Variants in RNF157 observed in about 807,000 individuals in gnomAD.
RNF157 encodes ring finger protein 157.
In RNF157, 55 loss-of-function variants were observed where a neutral mutation model predicts 88.3. The ratio of observed to expected loss-of-function variants is 0.62; its 90% CI spans 0.50 to 0.78. RNF157 has a LOEUF of 0.78. Ranked by LOEUF, RNF157 falls within the 30% of genes least tolerant of loss-of-function variation. The pLI, the probability that RNF157 is intolerant of heterozygous loss-of-function variation, is 0.00. For missense variants in RNF157, 788 were observed against 860.8 expected, an observed-to-expected ratio of 0.92 and a Z score of 1.06; for synonymous variants, 334 against 341.2, an observed-to-expected ratio of 0.98 and a Z score of 0.23.
intron 2 of RNF157, among the ~76,000 whole-genome samples, chr17:76,210,824 A>G (rs890178771): frequency 6.6e-6 from 1 of 151,570 alleles, no homozygotes; most frequent in Non-Finnish European, 1.5e-5. Flanking sequence ...CTTTTTTTTG[A>G]AACAGAGTCT....
chr17:76,224,301 A>G (rs943125897), intron 1 of RNF157, among the ~76,000 whole-genome samples: 6 of 152,220 alleles, frequency 3.9e-5, no homozygotes, highest in African/African-American at 1.4e-4. Context: ...TCCCTAAATT[A>G]TGTCTGCCTC....
chr17:76,224,461 A>T lies in RNF157; in HGVS notation c.89-11979T>A, dbSNP rs141366814. ...AGTAAATTTTCATATATTTGAAAAA[A>T]TCTTCATCTACATGACATTTCAATA... On this transcript the variant is annotated intron_variant, in intron 1 of 18. Transcript: ENST00000269391. Among the ~76,000 whole-genome samples, 528 of 152,288 alleles carry T rather than the reference A, an allele frequency of 3.5e-3. 5 individuals carry two copies. Among genetic ancestry groups the T allele is most frequent in the African/African-American group, 0.012 (505 of 41,584 alleles).
chr17:76,219,549 G>A (rs2069946139), intron 1 of RNF157, among the ~76,000 whole-genome samples: 2 of 151,958 alleles, frequency 1.3e-5, no homozygotes, highest in Non-Finnish European at 2.9e-5. Context: ...GAAGTAGAAG[G>A]GACCAGACAG....
chr17:76,202,136 A>T lies in RNF157; in HGVS notation c.207+10228T>A, dbSNP rs963565922. Among the ~76,000 whole-genome samples the T allele has an allele frequency of 5.4e-3, 754 of 139,400 alleles. 5 individuals carry two copies. The highest frequency in any genetic ancestry group is 0.011 in the African/African-American group (349 of 32,590). The allele number at this position is 139,400 out of a possible 152,430, so 91.5% of individuals were successfully genotyped here. Reference sequence around the variant, plus strand: ...TTCTCTCTCTCTCTCTCTCACACACACACACACACACACACACACACACAC... The same window carrying T: ...TTCTCTCTCTCTCTCTCTCACACACTCACACACACACACACACACACACAC... On this transcript the variant is annotated intron_variant, in intron 2 of 18. Coordinates refer to ENST00000269391, the MANE Select transcript of RNF157 (RefSeq NM_052916.3).
chr17:76,230,887 AG>A (rs907166240), intron 1 of RNF157, among the ~76,000 whole-genome samples: 2 of 112,532 alleles, frequency 1.8e-5, no homozygotes, highest in African/African-American at 9.3e-5. Context: ...AGAAAGAGAA[AG>A]AGAGAAAGAG....
At chr17:76,151,869 G>GAGCC (rs1429829109) in intron 18 of RNF157, among the ~76,000 whole-genome samples, 9 of 152,192 alleles carry the variant, frequency 5.9e-5, no homozygotes, top group Non-Finnish European at 1.3e-4. Flanking sequence ...CTGGATCACA[G>GAGCC]AGCCATTCCC....
chr17:76,193,751 C>A lies in RNF157; in HGVS notation c.207+18613G>T, dbSNP rs564888712. On this transcript the variant is annotated intron_variant, in intron 2 of 18. Coordinates refer to ENST00000269391, the MANE Select transcript of RNF157 (RefSeq NM_052916.3). ...TGATCCGAAACAATCAGGAGCTGAG[C>A]GAGAAAACAAAACAGAGGTCTGAGG... Among the ~76,000 whole-genome samples, 5 of 152,286 alleles carry A rather than the reference C, an allele frequency of 3.3e-5. No individual in the cohort carries two copies. In the South Asian group the frequency reaches 1.0e-3, roughly 32 times the overall value.
intron 1 of RNF157, among the ~76,000 whole-genome samples, chr17:76,239,649 T>G (rs2070342694): frequency 6.7e-6 from 1 of 149,248 alleles, no homozygotes; most frequent in African/African-American, 2.5e-5. Context: ...AGGAGAAACC[T>G]AATTCTAACC....
chr17:76,224,435 T>C (rs1274682504), intron 1 of RNF157, among the ~76,000 whole-genome samples: 1 of 152,198 alleles, frequency 6.6e-6, no homozygotes, highest in African/African-American at 2.4e-5. Context: ...ATGGGAATCC[T>C]AGTAAATTTT....
chr17:76,155,598 G>A lies in RNF157; in HGVS notation c.1662C>T (p.Pro554=), dbSNP rs903663905. The change falls in exon 15 of 19, where the codon CCC becomes CCT. Residue 554 remains proline (P), a synonymous_variant. Coordinates refer to ENST00000269391, the MANE Select transcript of RNF157 (RefSeq NM_052916.3). Reference sequence around the variant, plus strand: ...CTGAGGGGGCCCTGCTGGCAGGCTGGGGGGAAGAGAGAGCCTCTCCCTCCT... The same window carrying A: ...CTGAGGGGGCCCTGCTGGCAGGCTGAGGGGAAGAGAGAGCCTCTCCCTCCT... ...TEEEGEALSS[P]QPASRAPSEE... The A allele has an allele frequency of 1.1e-5, 17 of 1,613,014 alleles. No individual in the cohort carries two copies. Among genetic ancestry groups the A allele is most frequent in the Middle Eastern group, 3.3e-4 (2 of 6,058 alleles).
chr17:76,170,239 T>C (rs942530746), intron 3 of RNF157, among the ~76,000 whole-genome samples: 1 of 151,858 alleles, frequency 6.6e-6, no homozygotes, highest in Non-Finnish European at 1.5e-5. Context: ...TCACCTGCTG[T>C]TTTGTTTTGA....
At chr17:76,166,168 T>C (rs2068921131) in intron 6 of RNF157, among the ~76,000 whole-genome samples, 1 of 152,064 alleles carries the variant, frequency 6.6e-6, no homozygotes, top group Non-Finnish European at 1.5e-5. Flanking sequence ...AGAGACAGGG[T>C]TTCCCCATGT....
In RNF157 at chr17:76,150,943, A is replaced by G. The variant is rs182309058; in HGVS notation, c.1921+1412T>C. 1.2e-3 allele frequency among the ~76,000 whole-genome samples: 178 copies of G among 152,350 alleles called. 2 individuals are homozygous for G. The highest frequency in any genetic ancestry group is 1.5e-4 in the Non-Finnish European group (10 of 68,038). ...TTCATACCAAGTCTAGAGAACATAC[A>G]TGAGTTTAGAAAATAAACAAACCAG... is the stretch of plus-strand genomic sequence containing the variant. On this transcript the variant is annotated intron_variant, in intron 18 of 18. Transcript: ENST00000269391.
rs2070354438 is a variant in RNF157 at position 76,240,135 on chromosome 17, G to T, written c.88+18C>A. ...GCCCCTCTCCCTCCTCGCGGCTGCG[G>T]CGCCCGCCCGCCCTCACCGGACTTG... On this transcript the variant is annotated intron_variant, in intron 1 of 18. Coordinates refer to ENST00000269391, the MANE Select transcript of RNF157 (RefSeq NM_052916.3). The surrounding 1 kb of genome is among the most constrained non-coding windows in gnomAD (Gnocchi z 4.4). 7.7e-7 allele frequency: 1 copy of T among 1,304,288 alleles called. No individual in the cohort carries two copies. The allele number at this position is 1,304,288 out of a possible 1,614,324, so 80.8% of individuals were successfully genotyped here.
chr17:76,209,403 C>T (rs571343445), intron 2 of RNF157, among the ~76,000 whole-genome samples: 33 of 152,298 alleles, frequency 2.2e-4, no homozygotes, highest in Admixed American at 1.6e-3. Flanking sequence ...GTCCAACCTG[C>T]GGCCCAGGGG....
At chr17:76,185,111 C>T (rs893848499) in intron 2 of RNF157, among the ~76,000 whole-genome samples, 2 of 152,184 alleles carry the variant, frequency 1.3e-5, no homozygotes, top group African/African-American at 2.4e-5. Flanking sequence ...TAGGTCTTGA[C>T]TCATTGTTTG....
chr17:76,146,214 A>T lies in RNF157; in HGVS notation c.1922-861T>A. Reference sequence around the variant, plus strand: ...CTAACCTGGGCTCCACTCCCAGTTTACAGCAGTGTGACCTTGGGCACATCA... The same window carrying T: ...CTAACCTGGGCTCCACTCCCAGTTTTCAGCAGTGTGACCTTGGGCACATCA... On this transcript the variant is annotated intron_variant, in intron 18 of 18. Transcript: ENST00000269391. This position sits in a 1 kb window ranked among gnomAD's most constrained non-coding sequence, Gnocchi z 4.2. 2.9e-6 allele frequency: 1 copy of T among 349,178 alleles called. No homozygotes were observed. The highest frequency in any genetic ancestry group is 4.0e-6 in the Non-Finnish European group (1 of 248,420). The allele number at this position is 349,178 out of a possible 1,614,324, so 21.6% of individuals were successfully genotyped here.
intron 9 of RNF157, 54 bp from the exon 10 acceptor site, chr17:76,162,056 A>C: frequency 6.4e-7 from 1 of 1,563,866 alleles, no homozygotes; most frequent in South Asian, 1.2e-5. Context: ...CCTGTCCCAT[A>C]CTTTACTGAC....
rs1473011154 is a variant in RNF157 at position 76,176,980 on chromosome 17, C to T, written c.208-3190G>A. On this transcript the variant is annotated intron_variant, in intron 2 of 18. Coordinates refer to ENST00000269391, the MANE Select transcript of RNF157 (RefSeq NM_052916.3). This position sits in a 1 kb window ranked among gnomAD's most constrained non-coding sequence, Gnocchi z 4.2. ...TCTGGGGCTGCGCCCCCAGGTCTGC[C>T]CCACATTGGGGTGACCACTGAGCCT... Among the ~76,000 whole-genome samples, 3 of 152,218 alleles carry T rather than the reference C, an allele frequency of 2.0e-5. No homozygotes were observed. In the East Asian group the frequency reaches 5.8e-4, roughly 29 times the overall value.
Sources: allele counts gnomAD v4.1 joint callset (sites outside exome capture counted in the v4.1 genomes callset), GRCh38; gene constraint gnomAD v4.1.1; non-coding constraint Gnocchi (gnomAD v3.1); transcripts MANE v1.5; gene names NCBI Gene and HGNC (gene_info 2026-07-23, HGNC 2026-07-21).